The following PCDH15 variants were observed in gnomAD, a reference collection of about 807,000 sequenced individuals.
PCDH15 encodes the protein protocadherin related 15.
A neutral mutation model predicts 178.5 loss-of-function variants in PCDH15; 129 were observed. The observed-to-expected ratio is 0.72, with a 90% CI of 0.63 to 0.84. PCDH15 has a LOEUF of 0.84. PCDH15 is among the 40% of genes least tolerant of loss of function. PCDH15 has a pLI of 0.00. For synonymous variants in PCDH15, 800 were observed against 732.0 expected (o/e 1.09, Z -1.50); for missense variants, 2,230 against 2,099.9 (o/e 1.06, Z -1.21).
At chr10:53,906,620 C>T (rs1206368825) in intron 25 of PCDH15, among the ~76,000 whole-genome samples, 2 of 152,064 alleles carry the variant, frequency 1.3e-5, no homozygotes, top group Admixed American at 6.6e-5. Flanking sequence ...AAAGTTAACT[C>T]TTAGAAGGAT....
chr10:53,962,022 T>C (rs1291680200), intron 21 of PCDH15, 130 bp from the exon 22 acceptor site: 6 of 760,074 alleles, frequency 7.9e-6, no homozygotes, highest in Non-Finnish European at 1.3e-5. Flanking sequence ...TTTTCATTCT[T>C]TCAGAGCTGA....
chr10:55,064,488 G>A (rs1841512946), intron 2 of PCDH15, among the ~76,000 whole-genome samples: 1 of 151,934 alleles, frequency 6.6e-6, no homozygotes, highest in South Asian at 2.1e-4. Context: ...TTAGGTTGGG[G>A]CATATAATCT....
chr10:55,284,803 C>T (rs1234379540), intron 1 of PCDH15, among the ~76,000 whole-genome samples: 1 of 151,888 alleles, frequency 6.6e-6, no homozygotes, highest in Non-Finnish European at 1.5e-5. Flanking sequence ...GGGGGAGTTA[C>T]AAGAGCATCA....
At chr10:54,840,282 G>C (rs1416347335) in intron 3 of PCDH15, among the ~76,000 whole-genome samples, 1 of 151,790 alleles carries the variant, frequency 6.6e-6, no homozygotes, top group Non-Finnish European at 1.5e-5. Context: ...TATAAAAAGA[G>C]GTAAAGTGTA....
At chr10:54,834,596 GAAAC>G (rs973094083) in intron 3 of PCDH15, among the ~76,000 whole-genome samples, 1 of 151,788 alleles carries the variant, frequency 6.6e-6, no homozygotes, top group Non-Finnish European at 1.5e-5. Context: ...AAAAAAGAAA[GAAAC>G]AAGAGAGTGA....
intron 1 of PCDH15, among the ~76,000 whole-genome samples, chr10:55,177,266 C>T (rs1330454935): frequency 1.3e-5 from 2 of 152,148 alleles, no homozygotes; most frequent in Non-Finnish European, 2.9e-5. Context: ...TAGCTCATCC[C>T]TTTATCACCT....
At chr10:54,440,254 G>A (rs2075715307) in intron 3 of PCDH15, among the ~76,000 whole-genome samples, 1 of 152,020 alleles carries the variant, frequency 6.6e-6, no homozygotes, top group East Asian at 1.9e-4. Flanking sequence ...AAGCCCTTGT[G>A]TTTAATGCTT....
chr10:53,803,697 C>G lies in PCDH15; in HGVS notation c.*2882G>C, dbSNP rs1219941961. On this transcript the variant is annotated 3_prime_UTR_variant, in exon 38 of 38. Transcript: ENST00000644397. Reference sequence around the variant, plus strand: ...TCGATGGTCATTAAGTCACAAATGTCCTATGTCACTCTGACCATATTTTCT... The same window carrying G: ...TCGATGGTCATTAAGTCACAAATGTGCTATGTCACTCTGACCATATTTTCT... The G allele has an allele frequency of 2.6e-5, 4 of 151,892 alleles. No individual in the cohort carries two copies. Among genetic ancestry groups the G allele is most frequent in the Admixed American group, 1.3e-4 (2 of 15,220 alleles). 9.4% of individuals were successfully genotyped at this position (151,892 alleles called of 1,614,324 possible). A position where few individuals can be genotyped will look rare whatever the true frequency, so the allele number is the denominator to read the frequency against.
At chr10:54,860,679 C>T (rs1953823235) in intron 3 of PCDH15, among the ~76,000 whole-genome samples, 1 of 152,086 alleles carries the variant, frequency 6.6e-6, no homozygotes, top group Non-Finnish European at 1.5e-5. Flanking sequence ...AATGGAATGT[C>T]TGGGTCATGT....
chr10:54,315,278 C>G (rs2061172957), intron 8 of PCDH15, among the ~76,000 whole-genome samples: 1 of 152,206 alleles, frequency 6.6e-6, no homozygotes, highest in Admixed American at 6.5e-5. Context: ...TTGCATTTCT[C>G]TAACGATTAG....
At chr10:54,396,929 G>A (rs1242752199) in intron 3 of PCDH15, among the ~76,000 whole-genome samples, 1 of 151,958 alleles carries the variant, frequency 6.6e-6, no homozygotes, top group Non-Finnish European at 1.5e-5. Context: ...GAAGGAGGAG[G>A]ACTGTGTACT....
At chr10:55,286,000 T>C (rs1188564763) in intron 1 of PCDH15, among the ~76,000 whole-genome samples, 1 of 151,972 alleles carries the variant, frequency 6.6e-6, no homozygotes, top group Non-Finnish European at 1.5e-5. Flanking sequence ...TCGTGCATTA[T>C]TCAAAGATTT....
chr10:54,913,798 A>C (rs1954858863), intron 2 of PCDH15, among the ~76,000 whole-genome samples: 1 of 152,166 alleles, frequency 6.6e-6, no homozygotes, highest in Non-Finnish European at 1.5e-5. Flanking sequence ...GATAGAGTCA[A>C]AAAATATTAT....
At chr10:54,899,696 C>T (rs577633141) in intron 2 of PCDH15, among the ~76,000 whole-genome samples, 17 of 152,076 alleles carry the variant, frequency 1.1e-4, no homozygotes, top group Non-Finnish European at 2.1e-4. Context: ...TGGGTTTCAC[C>T]GTATTAGCTA....
At chr10:54,080,954 A>G (rs936316116) in intron 16 of PCDH15, among the ~76,000 whole-genome samples, 1 of 152,180 alleles carries the variant, frequency 6.6e-6, no homozygotes, top group African/African-American at 2.4e-5. Context: ...AAACCTAGCC[A>G]TGGTATAATA....
chr10:54,140,081 C>T (rs1204709072), intron 14 of PCDH15, among the ~76,000 whole-genome samples: 2 of 151,978 alleles, frequency 1.3e-5, no homozygotes, highest in Non-Finnish European at 2.9e-5. Context: ...ATAAAATATC[C>T]TTTAAAACTT....
chr10:55,307,827 A>C (rs1229001825), intron 1 of PCDH15, among the ~76,000 whole-genome samples: 1 of 152,000 alleles, frequency 6.6e-6, no homozygotes, highest in Non-Finnish European at 1.5e-5. Flanking sequence ...CCTACTAATT[A>C]TTTTTGATTT....
rs1038474407 is a variant in PCDH15 at position 53,853,767 on chromosome 10, C to T, written c.3806+3408G>A. On this transcript the variant is annotated intron_variant, in intron 28 of 37. Coordinates refer to ENST00000644397, the MANE Select transcript of PCDH15 (RefSeq NM_001384140.1). Reference sequence around the variant, plus strand: ...ACTACGTATAAAAAAGGAAAAAGAACCAGAAAATAAAAAGTGTTGATAGGA... The same window carrying T: ...ACTACGTATAAAAAAGGAAAAAGAATCAGAAAATAAAAAGTGTTGATAGGA... Among the ~76,000 whole-genome samples the T allele has an allele frequency of 4.6e-5, 7 of 151,638 alleles. 1 individual carries two copies. The highest frequency in any genetic ancestry group is 1.3e-4 in the Admixed American group (2 of 15,174).
intron 2 of PCDH15, among the ~76,000 whole-genome samples, chr10:55,394,843 T>G (rs1837882667): frequency 6.6e-6 from 1 of 152,128 alleles, no homozygotes; most frequent in Non-Finnish European, 1.5e-5. Context: ...ATGTGCTCAT[T>G]TATCAGTATC....
Sources: gnomAD v4.1 joint callset for allele counts (sites outside exome capture counted in the v4.1 genomes callset) on GRCh38, gnomAD v4.1.1 for gene constraint, MANE v1.5 for transcripts, NCBI Gene and HGNC (gene_info 2026-07-23, HGNC 2026-07-21) for gene names.